Variants in ADGRG6 observed in about 807,000 individuals in gnomAD.
The protein encoded by ADGRG6 is G-protein coupled receptor 126.
ADGRG6 carries 84 observed loss-of-function variants against 142.4 expected under a neutral mutation model. The observed-to-expected ratio is 0.59, with a 90% CI of 0.49 to 0.71. The LOEUF (loss-of-function observed/expected upper bound fraction) is 0.71, where lower values mean the gene tolerates loss of function less well. Ranked by LOEUF, ADGRG6 falls within the 30% of genes least tolerant of loss-of-function variation. The pLI is 0.00. For missense variants in ADGRG6, 1,367 were observed against 1,466.6 expected (o/e 0.93, Z 1.11); for synonymous variants, 521 against 520.5 (o/e 1.00, Z -0.01).
intron 14 of ADGRG6, chr6:142,405,202 G>C (rs1583103215): frequency 2.7e-6 from 1 of 367,298 alleles, no homozygotes; most frequent in East Asian, 7.3e-5. Context: ...CAATTTGCAG[G>C]AAAGCATTCT....
chr6:142,394,158 T>A (rs576278179), intron 9 of ADGRG6, among the ~76,000 whole-genome samples, 200 bp downstream of exon 9: 279 of 152,272 alleles, frequency 1.8e-3, no homozygotes, highest in African/African-American at 6.3e-3. Flanking sequence ...GTATATCCAA[T>A]GAAAAATAAT....
intron 1 of ADGRG6, among the ~76,000 whole-genome samples, chr6:142,306,039 A>G (rs988546072): frequency 1.3e-5 from 2 of 152,216 alleles, no homozygotes; most frequent in Admixed American, 6.5e-5. Flanking sequence ...TTTCTCTGCC[A>G]TTCCCCAGTC....
At position 142,334,143 on chromosome 6, in the gene ADGRG6, G is replaced by A. The variant is rs1582996422; in HGVS notation, c.103+24499G>A. ...ACCCCAAGATATGAATGTTCAACTT[G>A]AAATTCTAGAAATATGATCATTAAT... On this transcript the variant is annotated intron_variant, in intron 2 of 24. Transcript: ENST00000367609. 2.0e-5 allele frequency among the ~76,000 whole-genome samples: 3 copies of A among 152,214 alleles called. No individual in the cohort carries two copies. The East Asian group carries it at 5.8e-4, about 29-fold the overall frequency.
At chr6:142,329,436 T>C (rs1247239810) in intron 2 of ADGRG6, among the ~76,000 whole-genome samples, 1 of 152,206 alleles carries the variant, frequency 6.6e-6, no homozygotes, top group Non-Finnish European at 1.5e-5. Context: ...TTTCTTCATT[T>C]TTCTCTAATA....
chr6:142,352,239 A>C (rs544689301), intron 2 of ADGRG6, among the ~76,000 whole-genome samples: 59 of 152,360 alleles, frequency 3.9e-4, no homozygotes, highest in Non-Finnish European at 7.2e-4. Context: ...GGTGGATTAG[A>C]TAAAGAAAAT....
At chr6:142,429,987 G>A (rs1015248970) in intron 22 of ADGRG6, among the ~76,000 whole-genome samples, 4 of 152,102 alleles carry the variant, frequency 2.6e-5, no homozygotes, top group Non-Finnish European at 4.4e-5. Flanking sequence ...GAAGTTCAAG[G>A]TTACAGTGAT....
At chr6:142,391,434 T>TACACACACACACACAC (rs35253608) in intron 7 of ADGRG6, among the ~76,000 whole-genome samples, 30 of 132,464 alleles carry the variant, frequency 2.3e-4, no homozygotes, top group Admixed American at 9.9e-4. Flanking sequence ...AAGTGGTAGC[T>TACACACACACACACAC]ACACACACAC....
chr6:142,376,263 C>T (rs1327069758), intron 4 of ADGRG6, among the ~76,000 whole-genome samples: 1 of 152,110 alleles, frequency 6.6e-6, no homozygotes, highest in African/African-American at 2.4e-5. Context: ...CAGACAGTGC[C>T]TTCTCTACTA....
chr6:142,325,302 G>A (rs1778718130), intron 2 of ADGRG6, among the ~76,000 whole-genome samples: 1 of 152,068 alleles, frequency 6.6e-6, no homozygotes, highest in African/African-American at 2.4e-5. Flanking sequence ...CTTCCTCCGG[G>A]TTCCCATAGG....
intron 2 of ADGRG6, among the ~76,000 whole-genome samples, chr6:142,361,679 G>A (rs1780721527): frequency 6.6e-6 from 1 of 152,144 alleles, no homozygotes; most frequent in South Asian, 2.1e-4. Flanking sequence ...GTCCGCAGCT[G>A]GATTAATCCA....
intron 2 of ADGRG6, among the ~76,000 whole-genome samples, chr6:142,341,538 G>C (rs948232983): frequency 7.6e-4 from 82 of 107,240 alleles, no homozygotes; most frequent in Middle Eastern, 4.7e-3. Context: ...AGTATATATA[G>C]TATATAATAT....
chr6:142,341,414 A>AATATAATTATATAATATATATAATT (rs1253702509), intron 2 of ADGRG6, among the ~76,000 whole-genome samples: 1 of 122,478 alleles, frequency 8.2e-6, no homozygotes, highest in African/African-American at 3.1e-5. Flanking sequence ...TATATTATAT[A>AATATAATTATATAATATATATAATT]ATATAATTAT....
At chr6:142,395,414 G>A (rs958625371) in intron 9 of ADGRG6, among the ~76,000 whole-genome samples, 1 of 151,260 alleles carries the variant, frequency 6.6e-6, no homozygotes, top group Non-Finnish European at 1.5e-5. Flanking sequence ...CCCTGGGTTT[G>A]GTAGATATAG....
intron 7 of ADGRG6, among the ~76,000 whole-genome samples, chr6:142,392,135 G>A (rs1476217331): frequency 1.3e-5 from 2 of 151,606 alleles, no homozygotes; most frequent in Non-Finnish European, 3.0e-5. Flanking sequence ...TTTTTTGCCA[G>A]GATTCCCTAA....
At chr6:142,309,265 G>A (rs1777644214) in intron 1 of ADGRG6, among the ~76,000 whole-genome samples, 2 of 151,812 alleles carry the variant, frequency 1.3e-5, no homozygotes, top group African/African-American at 4.8e-5. Context: ...TGAATTGTCT[G>A]ACTACCCATT....
intron 22 of ADGRG6, among the ~76,000 whole-genome samples, chr6:142,433,955 A>C (rs1326987331): frequency 6.6e-6 from 1 of 151,236 alleles, no homozygotes; most frequent in African/African-American, 2.4e-5. Flanking sequence ...AAGCTGAGGC[A>C]GGAGGATTGC....
chr6:142,309,461 T>C, intron 1 of ADGRG6, 83 bp from the exon 2 acceptor site: 1 of 922,594 alleles, frequency 1.1e-6, no homozygotes. Flanking sequence ...CAGTCCCTAC[T>C]GGAAACCTAT....
chr6:142,310,482 A>G (rs547903688), intron 2 of ADGRG6, among the ~76,000 whole-genome samples: 1 of 151,734 alleles, frequency 6.6e-6, no homozygotes, highest in South Asian at 2.1e-4. Context: ...AGTCTTATGT[A>G]TTTATTACTT....
intron 2 of ADGRG6, among the ~76,000 whole-genome samples, chr6:142,321,334 A>G (rs1294411730): frequency 6.6e-6 from 1 of 150,902 alleles, no homozygotes; most frequent in African/African-American, 2.5e-5. Context: ...ATGATTTAAT[A>G]ATTATATTAT....
Sources: gnomAD v4.1 joint callset for allele counts (sites outside exome capture counted in the v4.1 genomes callset) on GRCh38, gnomAD v4.1.1 for gene constraint, MANE v1.5 for transcripts, NCBI Gene and HGNC (gene_info 2026-07-23, HGNC 2026-07-21) for gene names.